Variants in ADCY5 observed in about 807,000 individuals in gnomAD.
ADCY5 encodes the protein adenylate cyclase 5.
Under a neutral mutation model 119.7 loss-of-function variants are expected in ADCY5, and 30 were observed. The ratio of observed to expected loss-of-function variants is 0.25; its 90% CI spans 0.19 to 0.34. The LOEUF is 0.34. ADCY5 is among the 10% of genes least tolerant of loss of function. The pLI is 1.00. For synonymous variants in ADCY5, 753 were observed against 762.2 expected, an observed-to-expected ratio of 0.99 and a Z score of 0.20; for missense variants, 1,324 against 1,775.2, an observed-to-expected ratio of 0.75 and a Z score of 4.57.
chr3:123,386,508 A>C (rs1025400096), intron 1 of ADCY5, among the ~76,000 whole-genome samples: 1 of 152,228 alleles, frequency 6.6e-6, no homozygotes, highest in African/African-American at 2.4e-5. Flanking sequence ...TTTGCTCAGC[A>C]TAGTCTCGTT....
intron 1 of ADCY5, among the ~76,000 whole-genome samples, chr3:123,402,532 G>C (rs559926919): frequency 2.6e-5 from 4 of 152,342 alleles, no homozygotes; most frequent in Admixed American, 2.6e-4. Flanking sequence ...GCAGCTCATA[G>C]GACCAGGTTG....
intron 3 of ADCY5, among the ~76,000 whole-genome samples, chr3:123,336,158 T>C (rs1286178832): frequency 1.3e-5 from 2 of 152,176 alleles, no homozygotes; most frequent in East Asian, 3.9e-4. Flanking sequence ...AGAGGTAGAC[T>C]ATGCTGGCGT....
rs755165175 is a variant in ADCY5, at chr3:123,330,981, A to G, written c.1554T>C (p.Asp518=). ...GCAGCCCCGAGACGCAGTAATAACA[A>G]TCCCCAAGGATCTTAATACGTAAAC... is the stretch of plus-strand genomic sequence containing the variant. ...NHCLRIKILG[D]CYYCVSGLPE... The change falls in exon 5 of 21, where the codon GAT becomes GAC. Residue 518 remains aspartate (D), a synonymous_variant. Transcript: ENST00000462833. 2.5e-6 allele frequency: 4 copies of G among 1,613,914 alleles called. No individual in the cohort carries two copies. The Admixed American group carries it at 6.7e-5, about 27-fold the overall frequency.
intron 1 of ADCY5, among the ~76,000 whole-genome samples, chr3:123,408,338 G>A (rs982365272): frequency 7.6e-5 from 8 of 105,182 alleles, no homozygotes; most frequent in Admixed American, 1.9e-4. Context: ...CAAATGTTAC[G>A]TTTTTTGTTT....
intron 1 of ADCY5, among the ~76,000 whole-genome samples, chr3:123,421,437 T>C (rs993751507): frequency 1.3e-5 from 2 of 152,212 alleles, no homozygotes; most frequent in African/African-American, 4.8e-5. Context: ...AATCACGTCA[T>C]ACTGTTAGCA....
chr3:123,304,688 G>A (rs1206015691), intron 12 of ADCY5, among the ~76,000 whole-genome samples: 1 of 152,048 alleles, frequency 6.6e-6, no homozygotes, highest in Non-Finnish European at 1.5e-5. Context: ...GGAAGGAGGT[G>A]GGTGTGGCCC....
intron 8 of ADCY5, among the ~76,000 whole-genome samples, chr3:123,324,296 C>T (rs1042224852): frequency 3.3e-5 from 5 of 152,028 alleles, no homozygotes; most frequent in African/African-American, 7.2e-5. Flanking sequence ...CCAGGGAGTC[C>T]GTCTCTGATC....
At chr3:123,395,979 G>GGAAA (rs533201747) in intron 1 of ADCY5, among the ~76,000 whole-genome samples, 1 of 111,144 alleles carries the variant, frequency 9.0e-6, no homozygotes, top group Non-Finnish European at 1.9e-5. Flanking sequence ...AAGAAAGGAA[G>GGAAA]GAAAGAAAGA....
chr3:123,299,563 C>CATAGG (rs1175286217), intron 15 of ADCY5, among the ~76,000 whole-genome samples: 2 of 152,172 alleles, frequency 1.3e-5, no homozygotes, highest in Non-Finnish European at 2.9e-5. Flanking sequence ...ACCAGACAGC[C>CATAGG]ATAGGCCCCA....
intron 1 of ADCY5, among the ~76,000 whole-genome samples, chr3:123,396,988 A>G (rs1341676706): frequency 6.6e-6 from 1 of 152,062 alleles, no homozygotes; most frequent in Non-Finnish European, 1.5e-5. Context: ...GAGCTCCCGG[A>G]ACTGGGAAAG....
At chr3:123,300,664 G>C (rs1939796701) in intron 14 of ADCY5, among the ~76,000 whole-genome samples, 1 of 152,152 alleles carries the variant, frequency 6.6e-6, no homozygotes, top group Non-Finnish European at 1.5e-5. Flanking sequence ...TCGCTGTGAT[G>C]AACACACGGA....
At position 123,448,612 on chromosome 3, in the gene ADCY5, G is replaced by A; in HGVS notation, c.-67C>T. 5 of 1,254,708 alleles carry A rather than the reference G, an allele frequency of 4.0e-6. No individual in the cohort carries two copies. The highest frequency in any genetic ancestry group is 5.0e-6 in the Non-Finnish European group (5 of 999,542). 77.7% of individuals were successfully genotyped at this position (1,254,708 alleles called of 1,614,324 possible). Reference sequence around the variant, plus strand: ...GCCGGGCCGGGGGTCTCCAAGGGGAGGGCGGACGGCCGAGCAGGGGGACCA... The same window carrying A: ...GCCGGGCCGGGGGTCTCCAAGGGGAAGGCGGACGGCCGAGCAGGGGGACCA... On this transcript the variant is annotated 5_prime_UTR_variant, in exon 1 of 21. Transcript: ENST00000462833.
rs957521484 is a variant in ADCY5 at position 123,448,552 on chromosome 3, C to T, written c.-7G>A. On this transcript the variant is annotated 5_prime_UTR_variant, in exon 1 of 21. Coordinates refer to ENST00000462833, the MANE Select transcript of ADCY5 (RefSeq NM_183357.3). Reference sequence around the variant, plus strand: ...CGCTTTTGGAGCCGGACATCCCCCCCTCGGCCTCGTCGTCTCCTTCCTCCT... The same window carrying T: ...CGCTTTTGGAGCCGGACATCCCCCCTTCGGCCTCGTCGTCTCCTTCCTCCT... 5 of 1,264,086 alleles carry T rather than the reference C, an allele frequency of 4.0e-6. No individual in the cohort carries two copies. The highest frequency in any genetic ancestry group is 5.0e-6 in the Non-Finnish European group (5 of 1,006,560). 78.3% of individuals were successfully genotyped at this position (1,264,086 alleles called of 1,614,324 possible).
chr3:123,344,414 T>C (rs183836744), intron 3 of ADCY5, among the ~76,000 whole-genome samples: 1 of 152,314 alleles, frequency 6.6e-6, no homozygotes, highest in Admixed American at 6.5e-5. Context: ...CAGCTCACAA[T>C]TACCGAACAC....
chr3:123,347,365 C>A (rs1243469028), intron 3 of ADCY5, among the ~76,000 whole-genome samples: 1 of 152,142 alleles, frequency 6.6e-6, no homozygotes, highest in Non-Finnish European at 1.5e-5. Context: ...GAGCCTGGCC[C>A]AGTGCCTGGG....
At chr3:123,403,590 G>A (rs552727035) in intron 1 of ADCY5, among the ~76,000 whole-genome samples, 4 of 152,102 alleles carry the variant, frequency 2.6e-5, no homozygotes, top group Non-Finnish European at 2.9e-5. Context: ...AGTGAGGTGC[G>A]CAATCAGTCC....
At chr3:123,342,311 A>G (rs1942328081) in intron 3 of ADCY5, among the ~76,000 whole-genome samples, 1 of 152,236 alleles carries the variant, frequency 6.6e-6, no homozygotes. Flanking sequence ...GCCAGACACC[A>G]GAGCAACCTG....
At chr3:123,292,637 C>G (rs548858086) in intron 17 of ADCY5, among the ~76,000 whole-genome samples, 56 of 152,282 alleles carry the variant, frequency 3.7e-4, no homozygotes, top group Non-Finnish European at 6.9e-4. Context: ...GAGGCAGTAC[C>G]CTTTACCCAT....
rs115266016 is a variant in ADCY5, at chr3:123,436,441, C to G, written c.1134+10971G>C. ...GTCTTTTGGCTGGGAATGGTGGGCT[C>G]ACACCTGTAATCCCAGTACTTTGGG... On this transcript the variant is annotated intron_variant, in intron 1 of 20. Transcript: ENST00000462833. 1.5e-3 allele frequency among the ~76,000 whole-genome samples: 227 copies of G among 152,232 alleles called. 1 individual carries two copies. The highest frequency in any genetic ancestry group is 2.7e-3 in the Non-Finnish European group (183 of 68,014).
Sources: gnomAD v4.1 joint callset for allele counts (sites outside exome capture counted in the v4.1 genomes callset) on GRCh38, gnomAD v4.1.1 for gene constraint, MANE v1.5 for transcripts, NCBI Gene and HGNC (gene_info 2026-07-23, HGNC 2026-07-21) for gene names.